Variants in RANBP2 observed in about 807,000 individuals in gnomAD.
The protein encoded by RANBP2 is E3 SUMO-protein ligase RanBP2.
A neutral mutation model predicts 303.6 loss-of-function variants in RANBP2; 57 were observed. The ratio of observed to expected loss-of-function variants is 0.19; its 90% confidence interval spans 0.15 to 0.23. The LOEUF (loss-of-function observed/expected upper bound fraction) is 0.23. RANBP2 is among the 10% of genes least tolerant of loss of function. The pLI is 1.00. For missense variants in RANBP2, 3,138 were observed against 3,780.8 expected, an observed-to-expected ratio of 0.83 and a Z score of 4.46; for synonymous variants, 1,167 against 1,301.5, an observed-to-expected ratio of 0.90 and a Z score of 2.23.
chr2:108,794,496 A>G, the RANBP2 span: 13 of 1,524,034 alleles, frequency 8.5e-6, no homozygotes, highest in Non-Finnish European at 1.1e-5. Flanking sequence ...ATTTGAAACA[A>G]TAAGTTAATA....
At chr2:109,701,620 G>A in the RANBP2 span, among the ~76,000 whole-genome samples, 1 of 152,120 alleles carries the variant, frequency 6.6e-6, no homozygotes, top group African/African-American at 2.4e-5. Flanking sequence ...AATCAGATAC[G>A]CATGTGTCTC....
the RANBP2 span, chr2:109,251,772 G>GT: frequency 1.9e-6 from 1 of 531,416 alleles, no homozygotes; most frequent in African/African-American, 1.9e-5. Flanking sequence ...TTTTGTAATA[G>GT]TCAAAAAAAG....
At chr2:109,031,455 C>CA in the RANBP2 span, among the ~76,000 whole-genome samples, 1 of 152,246 alleles carries the variant, frequency 6.6e-6, no homozygotes, top group African/African-American at 2.4e-5. Context: ...CCTCTTACTA[C>CA]TGTTGCACCG....
At chr2:109,304,162 A>T in the RANBP2 span, among the ~76,000 whole-genome samples, 1 of 152,052 alleles carries the variant, frequency 6.6e-6, no homozygotes, top group Non-Finnish European at 1.5e-5. Flanking sequence ...CAGTATTGTT[A>T]GCTGGAGTCA....
At chr2:108,910,629 C>A in the RANBP2 span, 12 of 1,411,328 alleles carry the variant, frequency 8.5e-6, no homozygotes, top group Admixed American at 7.3e-5. Context: ...GCAGAGCTGC[C>A]CGGTGTCTGT....
chr2:109,207,618 T>C, the RANBP2 span, among the ~76,000 whole-genome samples: 1 of 152,212 alleles, frequency 6.6e-6, no homozygotes, highest in Non-Finnish European at 1.5e-5. Context: ...AATGGAGCCC[T>C]AAGATTGTTT....
downstream of RANBP2, among the ~76,000 whole-genome samples, chr2:108,789,186 A>G (rs1163232120): frequency 6.6e-6 from 1 of 152,248 alleles, no homozygotes; most frequent in African/African-American, 2.4e-5. Context: ...ATTTAGTGGC[A>G]TAATGGAAAG....
At chr2:108,973,657 G>A in the RANBP2 span, among the ~76,000 whole-genome samples, 9 of 152,150 alleles carry the variant, frequency 5.9e-5, no homozygotes, top group African/African-American at 1.4e-4. Context: ...TCCAGGGGTC[G>A]TGTGTCCTAG....
chr2:109,120,930 C>T, the RANBP2 span, among the ~76,000 whole-genome samples: 4 of 152,200 alleles, frequency 2.6e-5, no homozygotes, highest in Admixed American at 1.3e-4. Flanking sequence ...GCAACTCATG[C>T]AGTGCAGCTG....
At chr2:108,770,102 G>A (rs1416292298) in intron 20 of RANBP2, among the ~76,000 whole-genome samples, 2 of 152,152 alleles carry the variant, frequency 1.3e-5, no homozygotes, top group Non-Finnish European at 2.9e-5. Context: ...CTCTAGGTTA[G>A]GAATCCCTGA....
chr2:108,861,789 G>A, the RANBP2 span, among the ~76,000 whole-genome samples: 2 of 149,198 alleles, frequency 1.3e-5, no homozygotes, highest in African/African-American at 2.5e-5. Flanking sequence ...CCTAAACCTC[G>A]GCCTCCCAAA....
chr2:108,945,934 T>G, the RANBP2 span, among the ~76,000 whole-genome samples: 1 of 152,218 alleles, frequency 6.6e-6, no homozygotes, highest in Non-Finnish European at 1.5e-5. Flanking sequence ...GCCTATTCTA[T>G]CCTATGCTTC....
chr2:109,086,277 G>A, the RANBP2 span, among the ~76,000 whole-genome samples: 2 of 152,092 alleles, frequency 1.3e-5, no homozygotes, highest in African/African-American at 2.4e-5. Context: ...GTTGGGGGAG[G>A]GGGGCGGTCA....
the RANBP2 span, among the ~76,000 whole-genome samples, chr2:109,393,699 C>G: frequency 1.3e-5 from 2 of 151,952 alleles, no homozygotes; most frequent in Non-Finnish European, 2.9e-5. Flanking sequence ...CGCTCCCAAG[C>G]CCTGTCGCTC....
the RANBP2 span, among the ~76,000 whole-genome samples, chr2:109,369,836 C>T: frequency 2.0e-5 from 3 of 152,300 alleles, no homozygotes; most frequent in East Asian, 5.8e-4. Flanking sequence ...TTTCTTAGAC[C>T]CCACCAGCCT....
intron 23 of RANBP2, among the ~76,000 whole-genome samples, chr2:108,773,939 G>C (rs1391639864): frequency 6.6e-6 from 1 of 152,118 alleles, no homozygotes. Context: ...GAGCCACCGC[G>C]CCTGGCCAGG....
At chr2:109,251,408 A>G in the RANBP2 span, 9 of 696,260 alleles carry the variant, frequency 1.3e-5, no homozygotes, top group Admixed American at 8.9e-5. Flanking sequence ...CTGTGAGTGC[A>G]TGGAGTAGAC....
the RANBP2 span, among the ~76,000 whole-genome samples, chr2:109,415,191 C>T: frequency 2.0e-4 from 31 of 152,202 alleles, no homozygotes; most frequent in African/African-American, 7.0e-4. Context: ...ACAGCCCTGC[C>T]ACACCTTGAT....
chr2:109,446,187 C>T, the RANBP2 span, among the ~76,000 whole-genome samples: 2 of 152,206 alleles, frequency 1.3e-5, no homozygotes, highest in Non-Finnish European at 2.9e-5. Flanking sequence ...GTGTCATGAC[C>T]TGAGCTGTGC....
Sources: allele counts gnomAD v4.1 joint callset (sites outside exome capture counted in the v4.1 genomes callset), GRCh38; gene constraint gnomAD v4.1.1; transcripts MANE v1.5; gene names NCBI Gene and HGNC (gene_info 2026-07-23, HGNC 2026-07-21).